The following RAB6A variants were observed in gnomAD, a reference collection of about 807,000 sequenced individuals.
The protein encoded by RAB6A is RAB6A, member RAS oncogene family, also known as ras-related protein Rab-6A.
Under a neutral mutation model 32.3 loss-of-function variants are expected in RAB6A, and 8 were observed. The observed-to-expected ratio is 0.25, with a 90% CI of 0.15 to 0.45. The LOEUF is 0.45. Ranked by LOEUF, RAB6A falls within the 20% of genes least tolerant of loss-of-function variation. The pLI is 1.00. For missense variants in RAB6A, 104 were observed against 249.4 expected, an observed-to-expected ratio of 0.42 and a Z score of 3.93; for synonymous variants, 73 against 82.1, an observed-to-expected ratio of 0.89 and a Z score of 0.60.
intron 1 of RAB6A, 33 bp from the exon 2 acceptor site, chr11:73,730,856 G>A (rs1463314053): frequency 1.5e-5 from 24 of 1,560,508 alleles, no homozygotes; most frequent in Non-Finnish European, 2.0e-5. Context: ...TTTGCTCAGT[G>A]AACACATTAC....
intron 2 of RAB6A, 88 bp from the exon 3 acceptor site, chr11:73,720,987 G>A (rs1437954612): frequency 1.1e-6 from 1 of 928,808 alleles, no homozygotes; most frequent in South Asian, 1.4e-5. Context: ...GATTGTGGAA[G>A]AAATAATGAA....
chr11:73,740,785 G>C (rs531735871), intron 1 of RAB6A, among the ~76,000 whole-genome samples: 3 of 152,022 alleles, frequency 2.0e-5, no homozygotes, highest in East Asian at 3.9e-4. Context: ...TACTCGGGGG[G>C]GCTGAGGCAG....
At chr11:73,734,254 T>C (rs1187838909) in intron 1 of RAB6A, among the ~76,000 whole-genome samples, 1 of 152,112 alleles carries the variant, frequency 6.6e-6, no homozygotes, top group Admixed American at 6.6e-5. Flanking sequence ...GCCTCCTGGG[T>C]AGCTGAGATT....
rs942577878 is a variant in RAB6A, at chr11:73,676,499, A to C, written c.*1399T>G. On this transcript the variant is annotated 3_prime_UTR_variant, in exon 8 of 8. Coordinates refer to ENST00000336083, the MANE Select transcript of RAB6A (RefSeq NM_198896.2). ...AAAGTTGTTAAAAAAAAAAAAGGCA[A>C]AGAAATAAATATCACCAAAGAAAAA... The C allele has an allele frequency of 1.0e-4, 17 of 167,018 alleles. No homozygotes were observed. The highest frequency in any genetic ancestry group is 3.9e-4 in the African/African-American group (16 of 41,454). 10.3% of individuals were successfully genotyped at this position (167,018 alleles called of 1,614,324 possible). A position where few individuals can be genotyped will look rare whatever the true frequency, so the allele number is the denominator to read the frequency against.
At chr11:73,733,193 T>C (rs1946344755) in intron 1 of RAB6A, among the ~76,000 whole-genome samples, 1 of 152,188 alleles carries the variant, frequency 6.6e-6, no homozygotes, top group Non-Finnish European at 1.5e-5. Context: ...TTTTTGTTGT[T>C]GTTGTTTTAA....
chr11:73,753,299 A>G (rs1293405473), intron 1 of RAB6A, among the ~76,000 whole-genome samples: 1 of 152,058 alleles, frequency 6.6e-6, no homozygotes, highest in African/African-American at 2.4e-5. Flanking sequence ...TCCCGGGCTC[A>G]AGTGACTCTC....
intron 6 of RAB6A, among the ~76,000 whole-genome samples, chr11:73,694,782 G>C (rs1945630717): frequency 6.6e-6 from 1 of 152,216 alleles, no homozygotes; most frequent in Non-Finnish European, 1.5e-5. Flanking sequence ...GGGAGGCCAA[G>C]GTGGGCAGAT....
chr11:73,757,812 T>TA (rs1268854676), intron 1 of RAB6A, among the ~76,000 whole-genome samples: 5 of 152,186 alleles, frequency 3.3e-5, no homozygotes, highest in Non-Finnish European at 7.3e-5. Context: ...CATAGGCTAC[T>TA]AGCTTTCGTT....
intron 5 of RAB6A, among the ~76,000 whole-genome samples, chr11:73,708,718 C>T (rs1945891254): frequency 6.6e-6 from 1 of 152,168 alleles, no homozygotes; most frequent in Admixed American, 6.5e-5. Context: ...TAGATTTAAA[C>T]TATCAGCTGA....
intron 2 of RAB6A, among the ~76,000 whole-genome samples, chr11:73,727,721 C>T (rs971807203): frequency 5.9e-5 from 9 of 152,080 alleles, no homozygotes; most frequent in Admixed American, 1.3e-4. Context: ...TGGAAAAATA[C>T]ATACTAAGAG....
intron 5 of RAB6A, among the ~76,000 whole-genome samples, chr11:73,713,406 T>TAAAAAAA (rs1212918877): frequency 1.3e-5 from 2 of 152,162 alleles, no homozygotes; most frequent in East Asian, 3.9e-4. Context: ...CCGTCTCTAC[T>TAAAAAAA]AAAAACACAA....
At chr11:73,713,774 A>G (rs1020262854) in intron 5 of RAB6A, among the ~76,000 whole-genome samples, 2 of 152,212 alleles carry the variant, frequency 1.3e-5, no homozygotes, top group Non-Finnish European at 2.9e-5. Context: ...TTTTAGTGGA[A>G]CGAACAAGCT....
chr11:73,754,472 G>A (rs1946715572), intron 1 of RAB6A, among the ~76,000 whole-genome samples: 1 of 152,198 alleles, frequency 6.6e-6, no homozygotes, highest in Non-Finnish European at 1.5e-5. Flanking sequence ...CCTATATGAT[G>A]TGTAATATTA....
In RAB6A at chr11:73,677,904, G is replaced by A. The variant is rs762354616; in HGVS notation, c.621C>T (p.Ser207=). The change falls in exon 8 of 8, where the codon TCC becomes TCT. Residue 207 remains serine, a synonymous_variant. Coordinates refer to ENST00000336083, the MANE Select transcript of RAB6A (RefSeq NM_198896.2). ...QEQPVSEGGC[S]C ...TTGAAGATGACATGGGAGATTAGCA[G>A]GAACAGCCTCCTTCACTGACTGGTT... 1 of 1,614,202 alleles carries A rather than the reference G, an allele frequency of 6.2e-7. No individual in the cohort carries two copies. Among genetic ancestry groups the A allele is most frequent in the South Asian group, 1.1e-5 (1 of 91,086 alleles).
At chr11:73,715,752 T>C (rs1043825216) in intron 5 of RAB6A, among the ~76,000 whole-genome samples, 1 of 152,180 alleles carries the variant, frequency 6.6e-6, no homozygotes, top group Non-Finnish European at 1.5e-5. Flanking sequence ...GACTAAGGTA[T>C]CACAATCAAG....
intron 6 of RAB6A, among the ~76,000 whole-genome samples, chr11:73,696,487 G>A (rs567460800): frequency 3.9e-5 from 6 of 152,058 alleles, no homozygotes; most frequent in Admixed American, 6.6e-5. Flanking sequence ...GAGCCACCAC[G>A]CCCAGCTGCT....
chr11:73,715,134 CT>C (rs929834615), intron 5 of RAB6A, among the ~76,000 whole-genome samples: 20 of 149,554 alleles, frequency 1.3e-4, no homozygotes, highest in African/African-American at 3.4e-4. Context: ...ACTACCAATT[CT>C]TTTTTTTTTG....
intron 6 of RAB6A, among the ~76,000 whole-genome samples, chr11:73,685,258 T>C (rs1035147847): frequency 6.6e-6 from 1 of 152,060 alleles, no homozygotes; most frequent in African/African-American, 2.4e-5. Context: ...TGCAAAGTGT[T>C]TTAGTACTGA....
At chr11:73,705,006 A>C (rs1945814980) in intron 6 of RAB6A, among the ~76,000 whole-genome samples, 1 of 145,798 alleles carries the variant, frequency 6.9e-6, no homozygotes. Flanking sequence ...GAAAATAAAT[A>C]ATAAATAAAT....
Sources: gnomAD v4.1 joint callset for allele counts (sites outside exome capture counted in the v4.1 genomes callset) on GRCh38, gnomAD v4.1.1 for gene constraint, MANE v1.5 for transcripts, NCBI Gene and HGNC (gene_info 2026-07-23, HGNC 2026-07-21) for gene names.